The following KCNAB1 variants were observed in gnomAD, a reference collection of about 807,000 sequenced individuals.
The protein encoded by KCNAB1 is voltage-gated potassium channel subunit beta-1.
KCNAB1 carries 35 observed loss-of-function variants against 64.6 expected under a neutral mutation model. The observed-to-expected ratio is 0.54, with a 90% CI of 0.41 to 0.72. The LOEUF (loss-of-function observed/expected upper bound fraction) is 0.72. KCNAB1 is among the 30% of genes least tolerant of loss of function. The pLI is 0.00. For synonymous variants in KCNAB1, 177 were observed against 183.8 expected, an observed-to-expected ratio of 0.96 and a Z score of 0.30; for missense variants, 401 against 512.9, an observed-to-expected ratio of 0.78 and a Z score of 2.11.
chr3:156,332,595 T>C (rs939118999), intron 1 of KCNAB1, among the ~76,000 whole-genome samples: 3 of 152,134 alleles, frequency 2.0e-5, no homozygotes, highest in African/African-American at 7.2e-5. Context: ...TGTCTCCAAC[T>C]GCCAAACGGG....
At chr3:156,206,046 A>G (rs1714641589) in intron 1 of KCNAB1, among the ~76,000 whole-genome samples, 1 of 152,156 alleles carries the variant, frequency 6.6e-6, no homozygotes. Flanking sequence ...TTCTACCTTC[A>G]AGAATCAGGT....
intron 12 of KCNAB1, among the ~76,000 whole-genome samples, chr3:156,530,078 A>G (rs918605134): frequency 1.3e-5 from 2 of 152,188 alleles, no homozygotes; most frequent in African/African-American, 2.4e-5. Context: ...AGAGGGGAAG[A>G]AGGTTGGGGC....
At chr3:156,527,318 G>A (rs1331900341) in intron 12 of KCNAB1, among the ~76,000 whole-genome samples, 1 of 152,004 alleles carries the variant, frequency 6.6e-6, no homozygotes, top group African/African-American at 2.4e-5. Context: ...TTGAGTAAAG[G>A]GAAATTATAT....
At chr3:156,415,159 T>G (rs1714961648) in intron 1 of KCNAB1, among the ~76,000 whole-genome samples, 1 of 152,114 alleles carries the variant, frequency 6.6e-6, no homozygotes, top group Non-Finnish European at 1.5e-5. Context: ...GGGAAGTGGG[T>G]CTTGAAAGTC....
intron 1 of KCNAB1, among the ~76,000 whole-genome samples, chr3:156,377,435 C>T (rs1711762400): frequency 6.6e-6 from 1 of 152,088 alleles, no homozygotes; most frequent in African/African-American, 2.4e-5. Flanking sequence ...GGAAGAATGC[C>T]AGGCCAGGGA....
At chr3:156,248,072 T>C (rs560488064) in intron 1 of KCNAB1, among the ~76,000 whole-genome samples, 9 of 152,336 alleles carry the variant, frequency 5.9e-5, no homozygotes, top group African/African-American at 2.2e-4. Flanking sequence ...CATATTCTCT[T>C]GATGCTGTCA....
intron 5 of KCNAB1, among the ~76,000 whole-genome samples, chr3:156,463,152 T>G (rs1713056637): frequency 6.6e-6 from 1 of 152,208 alleles, no homozygotes; most frequent in South Asian, 2.1e-4. Flanking sequence ...TGTAGTCAGT[T>G]CCTGCCTGTG....
At chr3:156,494,071 C>T (rs562567442) in intron 8 of KCNAB1, among the ~76,000 whole-genome samples, 102 of 152,174 alleles carry the variant, frequency 6.7e-4, no homozygotes, top group South Asian at 2.1e-4. Flanking sequence ...GTAATTTTAG[C>T]GTTCATCAGT....
intron 1 of KCNAB1, among the ~76,000 whole-genome samples, chr3:156,351,212 G>A (rs894963620): frequency 3.9e-5 from 6 of 152,246 alleles, no homozygotes; most frequent in African/African-American, 9.6e-5. Context: ...TGTGTCTCAC[G>A]CTGAATCCAT....
chr3:156,298,963 A>C (rs1720974823), intron 1 of KCNAB1, among the ~76,000 whole-genome samples: 1 of 152,268 alleles, frequency 6.6e-6, no homozygotes. Flanking sequence ...AATTATTAAT[A>C]CTATGTGATC....
chr3:156,213,211 T>C (rs1388487991), intron 1 of KCNAB1, among the ~76,000 whole-genome samples: 1 of 100,768 alleles, frequency 9.9e-6, no homozygotes, highest in Admixed American at 1.4e-4. Flanking sequence ...ATCAGTCTCT[T>C]TCACTTTTTT....
At chr3:156,463,296 G>T (rs1256705071) in intron 5 of KCNAB1, among the ~76,000 whole-genome samples, 1 of 152,068 alleles carries the variant, frequency 6.6e-6, no homozygotes, top group Non-Finnish European at 1.5e-5. Flanking sequence ...ATTGTTGTTT[G>T]TTCATTTGAC....
chr3:156,374,933 GAA>G (rs1711545530), intron 1 of KCNAB1, among the ~76,000 whole-genome samples: 1 of 135,824 alleles, frequency 7.4e-6, no homozygotes, highest in Non-Finnish European at 1.5e-5. Context: ...AAAACACAAA[GAA>G]ATTTAAAATG....
chr3:156,381,333 T>C (rs1333439794), intron 1 of KCNAB1, among the ~76,000 whole-genome samples: 1 of 152,172 alleles, frequency 6.6e-6, no homozygotes, highest in Non-Finnish European at 1.5e-5. Context: ...CCAAAGTGTG[T>C]AGCAGTTTTA....
chr3:156,461,654 T>C (rs1712918229), intron 5 of KCNAB1, among the ~76,000 whole-genome samples: 2 of 152,172 alleles, frequency 1.3e-5, no homozygotes, highest in Admixed American at 1.3e-4. Context: ...CTGGAGTACA[T>C]CTAAGGAAGG....
intron 3 of KCNAB1, among the ~76,000 whole-genome samples, chr3:156,455,325 A>G (rs960007182): frequency 6.6e-6 from 1 of 152,244 alleles, no homozygotes; most frequent in Non-Finnish European, 1.5e-5. Flanking sequence ...ATGACTGTCA[A>G]CACTTTCTCA....
At chr3:156,267,015 A>G (rs1718760044) in intron 1 of KCNAB1, among the ~76,000 whole-genome samples, 1 of 152,044 alleles carries the variant, frequency 6.6e-6, no homozygotes, top group African/African-American at 2.4e-5. Context: ...TGCAAAAGTG[A>G]TATGTACTCA....
chr3:156,458,955 T>G (rs1712671077), intron 4 of KCNAB1, among the ~76,000 whole-genome samples: 1 of 152,226 alleles, frequency 6.6e-6, no homozygotes. Context: ...CTTTGGGGCA[T>G]GCTCCACAGC....
chr3:156,487,764 A>G (rs1351287905), intron 8 of KCNAB1, among the ~76,000 whole-genome samples: 1 of 152,164 alleles, frequency 6.6e-6, no homozygotes, highest in African/African-American at 2.4e-5. Context: ...CTTTGAAACT[A>G]GAAGCAAGTT....
Sources: gnomAD v4.1 joint callset for allele counts (sites outside exome capture counted in the v4.1 genomes callset) on GRCh38, gnomAD v4.1.1 for gene constraint, MANE v1.5 for transcripts, NCBI Gene and HGNC (gene_info 2026-07-23, HGNC 2026-07-21) for gene names.